ZNF670: variants seen among roughly 807,000 people sequenced by gnomAD.
ZNF670 encodes the protein zinc finger protein 670.
ZNF670 carries 7 observed loss-of-function variants against 10.9 expected under a neutral mutation model. The ratio of observed to expected loss-of-function variants is 0.64; its 90% CI spans 0.36 to 1.20. The LOEUF is 1.20. ZNF670 is among the 50% of genes most tolerant of loss of function. The pLI is 0.02. For synonymous variants in ZNF670, 136 were observed against 152.7 expected (o/e 0.89, Z 0.81); for missense variants, 446 against 458.6 (o/e 0.97, Z 0.25).
intron 1 of ZNF670, among the ~76,000 whole-genome samples, chr1:247,062,009 A>C (rs1670870084): frequency 6.6e-6 from 1 of 152,210 alleles, no homozygotes; most frequent in Non-Finnish European, 1.5e-5. Flanking sequence ...CACAATAATA[A>C]ACTGTGATCA....
At chr1:247,042,547 GA>G (rs1319022711) in intron 1 of ZNF670, among the ~76,000 whole-genome samples, 49 of 152,334 alleles carry the variant, frequency 3.2e-4, no homozygotes, top group African/African-American at 1.0e-3. Context: ...GCTAGGATGA[GA>G]ATTCAGTTTC....
At position 247,037,608 on chromosome 1, in the gene ZNF670, A is replaced by T; in HGVS notation, c.1011T>A (p.Tyr337Ter). 1 of 1,614,110 alleles carries T rather than the reference A, an allele frequency of 6.2e-7. No homozygotes were observed. The highest frequency in any genetic ancestry group is 8.5e-7 in the Non-Finnish European group (1 of 1,180,014). ...HERTHTGVKP[Y>*]GCKECGKSFT... The stretch of plus-strand genomic sequence containing the variant: ...ACGACTTACCACATTCCTTACATCC[A>T]TAAGGTTTCACTCCAGTGTGAGTTC... The change falls in exon 4 of 4, where the codon TAT becomes TAA. Residue 337 changes from tyrosine (Y) to a stop codon, truncating the protein, a stop_gained. Coordinates refer to ENST00000366503, the MANE Select transcript of ZNF670 (RefSeq NM_033213.5). LOFTEE classifies it low-confidence loss of function (END_TRUNC).
At chr1:247,050,916 C>CT (rs1004913015) in intron 1 of ZNF670, among the ~76,000 whole-genome samples, 47 of 151,364 alleles carry the variant, frequency 3.1e-4, no homozygotes, top group African/African-American at 1.1e-3. Context: ...GGTTTTTTTT[C>CT]TTTTTTTTCA....
At chr1:247,058,295 C>A (rs1163243414) in intron 1 of ZNF670, among the ~76,000 whole-genome samples, 6 of 152,012 alleles carry the variant, frequency 3.9e-5, no homozygotes, top group African/African-American at 1.4e-4. Flanking sequence ...AGGTCAAAGA[C>A]AAGTCTCAAG....
At chr1:247,047,691 C>T (rs548047010) in intron 1 of ZNF670, among the ~76,000 whole-genome samples, 7 of 152,104 alleles carry the variant, frequency 4.6e-5, no homozygotes, top group Admixed American at 2.6e-4. Context: ...CCTCTGAAAT[C>T]GTGGCAAAGG....
chr1:247,057,489 A>G (rs1011269999), intron 1 of ZNF670, among the ~76,000 whole-genome samples: 2 of 152,208 alleles, frequency 1.3e-5, no homozygotes, highest in African/African-American at 2.4e-5. Flanking sequence ...ACTCCTAGGT[A>G]TATATCCAAA....
Position 247,078,580 on chromosome 1 carries a change from G to T in ZNF670, c.3+14C>A, listed in dbSNP as rs193127795. 0.011 allele frequency: 18,023 copies of T among 1,613,776 alleles called. 134 individuals carry two copies. Among genetic ancestry groups the T allele is most frequent in the Non-Finnish European group, 0.014 (16,787 of 1,179,802 alleles). ...CCTTTTCCCCTTCCCGAGACACCTG[G>T]CCGGCACACTCACCATTTCCCAGTC... On this transcript the variant is annotated intron_variant, in intron 1 of 3. Coordinates refer to ENST00000366503, the MANE Select transcript of ZNF670 (RefSeq NM_033213.5).
intron 1 of ZNF670, among the ~76,000 whole-genome samples, chr1:247,055,736 T>A (rs1379270211): frequency 6.6e-6 from 1 of 151,962 alleles, no homozygotes; most frequent in South Asian, 2.1e-4. Context: ...CTTCAATGAA[T>A]ATAAAAAAAC....
At position 247,037,170 on chromosome 1, in the gene ZNF670, T is replaced by A. The variant is rs1448900648; in HGVS notation, c.*279A>T. The A allele has an allele frequency of 3.1e-6, 1 of 326,056 alleles. No homozygotes were observed. Among genetic ancestry groups the A allele is most frequent in the Non-Finnish European group, 5.5e-6 (1 of 180,672 alleles). The allele number at this position is 326,056 out of a possible 1,614,324, so 20.2% of individuals were successfully genotyped here. ...AAATCTAAAGTATAGACACCTTCTTTAACAATGAACCACTGATAAAAATAT... is the reference window on the plus strand; with the variant it reads ...AAATCTAAAGTATAGACACCTTCTTAAACAATGAACCACTGATAAAAATAT... On this transcript the variant is annotated 3_prime_UTR_variant, in exon 4 of 4. Transcript: ENST00000366503.
intron 1 of ZNF670, among the ~76,000 whole-genome samples, chr1:247,065,708 C>T (rs12135842): frequency 0.092 from 14,055 of 152,076 alleles, 758 homozygotes; most frequent in South Asian, 0.19. Context: ...TAGAAAATTA[C>T]CACACAGGAA....
At chr1:247,060,718 T>C (rs912686139) in intron 1 of ZNF670, among the ~76,000 whole-genome samples, 3 of 152,136 alleles carry the variant, frequency 2.0e-5, no homozygotes, top group African/African-American at 2.4e-5. Flanking sequence ...AGAAGATTTA[T>C]AGCCATGCAA....
In ZNF670 at chr1:247,036,148, A is replaced by C. The variant is rs1670144446; in HGVS notation, c.*1301T>G. 6.6e-6 allele frequency among the ~76,000 whole-genome samples: 1 copy of C among 152,180 alleles called. No homozygotes were observed. Among genetic ancestry groups the C allele is most frequent in the South Asian group, 2.1e-4 (1 of 4,832 alleles). ...TATCAGTAGAATGCCAAAAACCACA[A>C]ATCATCTCAATAGATGCAGAAAAAA... On this transcript the variant is annotated 3_prime_UTR_variant, in exon 4 of 4. Transcript: ENST00000366503.
At chr1:247,040,728 T>C (rs1004514252) in intron 1 of ZNF670, among the ~76,000 whole-genome samples, 5 of 152,192 alleles carry the variant, frequency 3.3e-5, no homozygotes, top group Admixed American at 6.5e-5. Context: ...GATTTACTCT[T>C]GTTGCCCGGG....
rs12751386 is a variant in ZNF670 at position 247,036,456 on chromosome 1, C to A, written c.*993G>T. On this transcript the variant is annotated 3_prime_UTR_variant, in exon 4 of 4. Transcript: ENST00000366503. Reference sequence around the variant, plus strand: ...TAGCTTGAGGCCAGGAATTCAATACCAGCCTAGACAATACAGCGAGATCCC... The same window carrying A: ...TAGCTTGAGGCCAGGAATTCAATACAAGCCTAGACAATACAGCGAGATCCC... Among the ~76,000 whole-genome samples, 1 of 152,102 alleles carries A rather than the reference C, an allele frequency of 6.6e-6. No individual in the cohort carries two copies. The highest frequency in any genetic ancestry group is 2.1e-4 in the South Asian group (1 of 4,806).
At chr1:247,056,970 A>C (rs1162955628) in intron 1 of ZNF670, among the ~76,000 whole-genome samples, 1 of 152,242 alleles carries the variant, frequency 6.6e-6, no homozygotes, top group Non-Finnish European at 1.5e-5. Context: ...CCATGAGCAC[A>C]GGAGACCAAA....
intron 1 of ZNF670, among the ~76,000 whole-genome samples, chr1:247,057,439 A>G (rs952769225): frequency 7.9e-5 from 12 of 152,172 alleles, no homozygotes; most frequent in Non-Finnish European, 1.6e-4. Context: ...AGGTTCCTCA[A>G]AAAGTAAAAA....
chr1:247,053,392 G>A (rs1670641417), intron 1 of ZNF670, among the ~76,000 whole-genome samples: 1 of 152,158 alleles, frequency 6.6e-6, no homozygotes, highest in Non-Finnish European at 1.5e-5. Flanking sequence ...CAGTACTTTG[G>A]GAGGCCGAGG....
At chr1:247,070,502 A>C (rs1028888640) in intron 1 of ZNF670, among the ~76,000 whole-genome samples, 1 of 152,184 alleles carries the variant, frequency 6.6e-6, no homozygotes, top group African/African-American at 2.4e-5. Flanking sequence ...AAAAAGACTT[A>C]AATGTAAAAC....
Position 247,035,624 on chromosome 1 carries a change from T to G in ZNF670, c.*1825A>C, listed in dbSNP as rs116252205. Among the ~76,000 whole-genome samples, 832 of 152,310 alleles carry G rather than the reference T, an allele frequency of 5.5e-3. 9 individuals carry two copies. Among genetic ancestry groups the G allele is most frequent in the African/African-American group, 0.018 (767 of 41,562 alleles). On this transcript the variant is annotated 3_prime_UTR_variant, in exon 4 of 4. Transcript: ENST00000366503. ...TAGTTATGCATAATTCATAGTAACT[T>G]ACAAAACTGTACTATACCACATATT...
Sources: allele counts gnomAD v4.1 joint callset (sites outside exome capture counted in the v4.1 genomes callset), GRCh38; gene constraint gnomAD v4.1.1; transcripts MANE v1.5; gene names NCBI Gene and HGNC (gene_info 2026-07-23, HGNC 2026-07-21).